The following ADAMTS18 variants were observed in gnomAD, a reference collection of about 807,000 sequenced individuals.
ADAMTS18 encodes ADAM metallopeptidase with thrombospondin type 1 motif 18.
In ADAMTS18, 157 loss-of-function variants were observed where a neutral mutation model predicts 165.9. The ratio of observed to expected loss-of-function variants is 0.95; its 90% CI spans 0.83 to 1.08. ADAMTS18 has a LOEUF of 1.08. Ranked by LOEUF, ADAMTS18 falls within the 50% of genes least tolerant of loss-of-function variation. The pLI, the probability that ADAMTS18 is intolerant of heterozygous loss-of-function variation, is 0.00. For synonymous variants in ADAMTS18, 782 were observed against 578.2 expected, an observed-to-expected ratio of 1.35 and a Z score of -5.06; for missense variants, 2,040 against 1,534.0, an observed-to-expected ratio of 1.33 and a Z score of -5.51.
intron 3 of ADAMTS18, among the ~76,000 whole-genome samples, chr16:77,369,775 G>A (rs541717098): frequency 2.6e-5 from 4 of 152,224 alleles, no homozygotes; most frequent in Middle Eastern, 6.8e-3. Flanking sequence ...ACCCAAATCA[G>A]ACAAGAACAA....
intron 7 of ADAMTS18, among the ~76,000 whole-genome samples, chr16:77,360,635 G>C (rs2056698969): frequency 6.6e-6 from 1 of 152,192 alleles, no homozygotes; most frequent in Admixed American, 6.5e-5. Context: ...TTCAGAATAT[G>C]AATGGATATA....
chr16:77,299,450 G>C (rs758896516), intron 17 of ADAMTS18, among the ~76,000 whole-genome samples: 2 of 152,078 alleles, frequency 1.3e-5, no homozygotes, highest in Admixed American at 6.6e-5. Context: ...TCAGACATAA[G>C]AATTTCTTCA....
At chr16:77,324,923 C>T (rs992921641) in intron 13 of ADAMTS18, among the ~76,000 whole-genome samples, 2 of 152,136 alleles carry the variant, frequency 1.3e-5, no homozygotes, top group Non-Finnish European at 1.5e-5. Flanking sequence ...GGCAAACAGT[C>T]ATGACCCAAA....
At chr16:77,355,795 CCATCATCATTAT>C in intron 9 of ADAMTS18, 133 bp downstream of exon 9, 1 of 1,003,096 alleles carries the variant, frequency 1.0e-6, no homozygotes, top group Admixed American at 1.8e-5. Context: ...GTCATCATCA[CCATCATCATTAT>C]CATCATCATT....
rs2057779759 is a variant in ADAMTS18, at chr16:77,434,971, G to A, written c.-276C>T. The A allele has an allele frequency of 3.2e-6, 1 of 315,056 alleles. No homozygotes were observed. The highest frequency in any genetic ancestry group is 5.8e-6 in the Non-Finnish European group (1 of 173,680). 19.5% of individuals were successfully genotyped at this position (315,056 alleles called of 1,614,324 possible). A position where few individuals can be genotyped will look rare whatever the true frequency, so the allele number is the denominator to read the frequency against. ...CCTGGGCCGGGACTGGAGCGCAAACGGTTGGGAGACTGTCGGTGTCTGCCC... is the reference window on the plus strand; with the variant it reads ...CCTGGGCCGGGACTGGAGCGCAAACAGTTGGGAGACTGTCGGTGTCTGCCC... On this transcript the variant is annotated 5_prime_UTR_variant, in exon 1 of 23. Coordinates refer to ENST00000282849, the MANE Select transcript of ADAMTS18 (RefSeq NM_199355.4).
At chr16:77,372,112 G>C (rs576316575) in intron 3 of ADAMTS18, among the ~76,000 whole-genome samples, 4 of 152,228 alleles carry the variant, frequency 2.6e-5, no homozygotes, top group African/African-American at 9.6e-5. Context: ...TTATCACAAT[G>C]ACAATAAATG....
intron 3 of ADAMTS18, among the ~76,000 whole-genome samples, chr16:77,402,803 C>G (rs978247302): frequency 2.0e-5 from 3 of 152,106 alleles, no homozygotes; most frequent in African/African-American, 7.2e-5. Flanking sequence ...AACTCTCTGC[C>G]TTTTTAAAAG....
At chr16:77,376,881 C>T (rs1415641182) in intron 3 of ADAMTS18, among the ~76,000 whole-genome samples, 10 of 133,550 alleles carry the variant, frequency 7.5e-5, no homozygotes, top group Admixed American at 7.4e-4. Flanking sequence ...GTGGGGTGAT[C>T]TCAGCTCACT....
At chr16:77,289,051 T>A (rs538385874) in intron 22 of ADAMTS18, among the ~76,000 whole-genome samples, 21 of 152,294 alleles carry the variant, frequency 1.4e-4, no homozygotes, top group African/African-American at 5.1e-4. Flanking sequence ...CCCACCTGCA[T>A]GACAGACTGA....
At chr16:77,414,267 ATC>A (rs1398451663) in intron 3 of ADAMTS18, among the ~76,000 whole-genome samples, 1 of 152,164 alleles carries the variant, frequency 6.6e-6, no homozygotes, top group African/African-American at 2.4e-5. Flanking sequence ...CTTTCACTGT[ATC>A]TGTTAGGGAA....
intron 8 of ADAMTS18, among the ~76,000 whole-genome samples, chr16:77,356,581 G>C (rs1009948116): frequency 6.6e-6 from 1 of 152,102 alleles, no homozygotes; most frequent in Non-Finnish European, 1.5e-5. Flanking sequence ...CAATTTATTA[G>C]CTGAAATCAC....
intron 3 of ADAMTS18, among the ~76,000 whole-genome samples, chr16:77,387,936 G>A (rs2057131907): frequency 6.6e-6 from 1 of 152,098 alleles, no homozygotes; most frequent in African/African-American, 2.4e-5. Context: ...ATTCTCTATG[G>A]CGCTATCTCT....
rs866149957 is a variant in ADAMTS18, at chr16:77,330,440, A to G, written c.1860-4402T>C. Among the ~76,000 whole-genome samples, 7 of 152,334 alleles carry G rather than the reference A, an allele frequency of 4.6e-5. No homozygotes were observed. In the South Asian group the frequency reaches 1.4e-3, roughly 32 times the overall value. ...TTAATCTGACTCTGCCATTACCAGCATGGGGACTTGAGCAAGAGTTGCTAC... is the reference window on the plus strand; with the variant it reads ...TTAATCTGACTCTGCCATTACCAGCGTGGGGACTTGAGCAAGAGTTGCTAC... On this transcript the variant is annotated intron_variant, in intron 12 of 22. Coordinates refer to ENST00000282849, the MANE Select transcript of ADAMTS18 (RefSeq NM_199355.4).
chr16:77,319,152 G>A (rs2055941779), intron 16 of ADAMTS18, among the ~76,000 whole-genome samples: 1 of 152,100 alleles, frequency 6.6e-6, no homozygotes, highest in Admixed American at 6.5e-5. Flanking sequence ...ACCCAGGCAA[G>A]CATTTTCTCT....
At chr16:77,339,393 G>A (rs886414001) in intron 11 of ADAMTS18, among the ~76,000 whole-genome samples, 1 of 151,918 alleles carries the variant, frequency 6.6e-6, no homozygotes, top group Non-Finnish European at 1.5e-5. Context: ...CAAGACATTT[G>A]TTTTCCCACT....
At chr16:77,399,374 G>T (rs2057298077) in intron 3 of ADAMTS18, among the ~76,000 whole-genome samples, 1 of 152,298 alleles carries the variant, frequency 6.6e-6, no homozygotes, top group South Asian at 2.1e-4. Context: ...ATCCCCCAGA[G>T]TTAGAACTAG....
intron 22 of ADAMTS18, among the ~76,000 whole-genome samples, chr16:77,285,846 C>T (rs893794967): frequency 1.3e-5 from 2 of 152,188 alleles, no homozygotes; most frequent in Non-Finnish European, 2.9e-5. Flanking sequence ...CTCTTCAGTA[C>T]TGCCACTGCT....
At chr16:77,361,970 T>C (rs1337196574) in intron 7 of ADAMTS18, 135 bp downstream of exon 7, 13 of 982,222 alleles carry the variant, frequency 1.3e-5, no homozygotes, top group Admixed American at 1.2e-4. Flanking sequence ...CACCACAGGG[T>C]ACATTAGGTT....
At chr16:77,287,214 G>C (rs947368321) in intron 22 of ADAMTS18, among the ~76,000 whole-genome samples, 1 of 152,154 alleles carries the variant, frequency 6.6e-6, no homozygotes, top group Admixed American at 6.5e-5. Context: ...TCAGAGAAGA[G>C]GCAAAGAACG....
Sources: allele counts gnomAD v4.1 joint callset (sites outside exome capture counted in the v4.1 genomes callset), GRCh38; gene constraint gnomAD v4.1.1; transcripts MANE v1.5; gene names NCBI Gene and HGNC (gene_info 2026-07-23, HGNC 2026-07-21).